Variants in ARHGAP8 observed in about 807,000 individuals in gnomAD.
The protein encoded by ARHGAP8 is rho GTPase-activating protein 8.
A neutral mutation model predicts 46.1 loss-of-function variants in ARHGAP8; 62 were observed. The observed-to-expected ratio is 1.34, with a 90% CI of 1.10 to 1.66. ARHGAP8 has a LOEUF of 1.66. Ranked by LOEUF, ARHGAP8 falls within the 40% of genes most tolerant of loss-of-function variation. The pLI, the probability that ARHGAP8 is intolerant of heterozygous loss-of-function variation, is 0.00. For synonymous variants in ARHGAP8, 375 were observed against 243.1 expected, an observed-to-expected ratio of 1.54 and a Z score of -5.05; for missense variants, 923 against 568.4, an observed-to-expected ratio of 1.62 and a Z score of -6.34.
intron 8 of ARHGAP8, among the ~76,000 whole-genome samples, chr22:44,847,584 C>T (rs1320313565): frequency 6.6e-6 from 1 of 152,238 alleles, no homozygotes; most frequent in Non-Finnish European, 1.5e-5. Context: ...GGACGTCTCC[C>T]AGGTGCCAGG....
At chr22:44,858,369 G>GTT (rs67748773) in intron 10 of ARHGAP8, among the ~76,000 whole-genome samples, 1,551 of 142,012 alleles carry the variant, frequency 0.011, 44 homozygotes, top group African/African-American at 0.039. Context: ...GTTGGTGGTG[G>GTT]TTTTTTTTTT....
chr22:44,807,217 T>C (rs548341148), intron 3 of ARHGAP8, among the ~76,000 whole-genome samples: 1 of 152,310 alleles, frequency 6.6e-6, no homozygotes, highest in South Asian at 2.1e-4. Context: ...GATCATGGCC[T>C]GACCGGCTCA....
At chr22:44,778,299 T>C (rs973049407) in intron 1 of ARHGAP8, among the ~76,000 whole-genome samples, 1 of 152,182 alleles carries the variant, frequency 6.6e-6, no homozygotes. Context: ...ATTTCTGAGT[T>C]ACTTCACTTA....
chr22:44,805,804 C>T lies in ARHGAP8; in HGVS notation c.168-2503C>T, dbSNP rs1450788039. Among the ~76,000 whole-genome samples, 5 of 152,244 alleles carry T rather than the reference C, an allele frequency of 3.3e-5. 1 individual carries two copies. The highest frequency in any genetic ancestry group is 1.3e-4 in the Admixed American group (2 of 15,292). ...AATTAACACCCCGTACATTATCCTC[C>T]CTATCCATTCCAACCGGATGGCTTT... is the stretch of plus-strand genomic sequence containing the variant. On this transcript the variant is annotated intron_variant, in intron 3 of 11. Transcript: ENST00000356099.
intron 2 of ARHGAP8, among the ~76,000 whole-genome samples, chr22:44,788,157 C>T (rs1927415166): frequency 6.6e-6 from 1 of 151,604 alleles, no homozygotes; most frequent in Non-Finnish European, 1.5e-5. Context: ...TTCATTTTGT[C>T]ACCCAGACTG....
At chr22:44,822,290 A>C in intron 5 of ARHGAP8, 81 bp from the exon 6 acceptor site, 70 of 1,076,690 alleles carry the variant, frequency 6.5e-5, no homozygotes, top group Non-Finnish European at 6.4e-5. Flanking sequence ...TTCTGCCGCC[A>C]ACTCCCCCTC....
intron 8 of ARHGAP8, among the ~76,000 whole-genome samples, chr22:44,847,674 C>G (rs1009965775): frequency 1.3e-5 from 2 of 152,132 alleles, no homozygotes; most frequent in African/African-American, 4.8e-5. Context: ...TGTAGATAAA[C>G]AAGGCAGATA....
chr22:44,761,742 CACCCGA>C (rs766515396), intron 1 of ARHGAP8, among the ~76,000 whole-genome samples: 4 of 152,192 alleles, frequency 2.6e-5, no homozygotes, highest in Non-Finnish European at 4.4e-5. Flanking sequence ...GATAAAGACA[CACCCGA>C]GACTGGGTAA....
rs1481327449 is a variant in ARHGAP8 at position 44,848,061 on chromosome 22, C to T, written c.748+11C>T. On this transcript the variant is annotated intron_variant, in intron 9 of 11. Transcript: ENST00000356099. ...GGCTCTACAACCAAGGTGAGGGTGT[C>T]CCGCAGTCCTGAGCCCCGAGCTGCC... 3 of 1,604,748 alleles carry T rather than the reference C, an allele frequency of 1.9e-6. No individual in the cohort carries two copies. In the African/African-American group the frequency reaches 4.0e-5, roughly 21 times the overall value.
At chr22:44,850,006 G>A (rs958572727) in intron 10 of ARHGAP8, 1 of 152,168 alleles carries the variant, frequency 6.6e-6, no homozygotes, top group African/African-American at 2.4e-5. Context: ...GGGTGTAGGG[G>A]TGGCCATTCC....
At chr22:44,818,125 C>T (rs531141341) in intron 5 of ARHGAP8, among the ~76,000 whole-genome samples, 31 of 150,254 alleles carry the variant, frequency 2.1e-4, no homozygotes, top group Admixed American at 1.7e-3. Flanking sequence ...CTTAAGAGTT[C>T]TAGAAACCTC....
Position 44,764,181 on chromosome 22 carries a change from A to G in ARHGAP8, c.-72+11554A>G, listed in dbSNP as rs1242245540. Reference sequence around the variant, plus strand: ...AAACAACTCCCGAAGAGTCAGAGTCAGAGAACCTGGAGGAGCGTTCTCTGG... The same window carrying G: ...AAACAACTCCCGAAGAGTCAGAGTCGGAGAACCTGGAGGAGCGTTCTCTGG... On this transcript the variant is annotated intron_variant, in intron 1 of 11. Coordinates refer to ENST00000356099, the MANE Select transcript of ARHGAP8 (RefSeq NM_181335.3). Among the ~76,000 whole-genome samples, 4 of 152,170 alleles carry G rather than the reference A, an allele frequency of 2.6e-5. 1 individual carries two copies. In the South Asian group the frequency reaches 6.2e-4, roughly 24 times the overall value.
At chr22:44,766,372 A>C (rs1602145373) in intron 1 of ARHGAP8, among the ~76,000 whole-genome samples, 1 of 152,042 alleles carries the variant, frequency 6.6e-6, no homozygotes, top group South Asian at 2.1e-4. Flanking sequence ...CCAGAACTGC[A>C]GGTGCGGAGG....
At chr22:44,856,006 G>A (rs1351442126) in intron 10 of ARHGAP8, among the ~76,000 whole-genome samples, 1 of 152,148 alleles carries the variant, frequency 6.6e-6, no homozygotes, top group African/African-American at 2.4e-5. Context: ...GTGCGAGTGG[G>A]AGCAAGATGG....
intron 10 of ARHGAP8, among the ~76,000 whole-genome samples, chr22:44,858,406 T>G (rs928163110): frequency 2.0e-5 from 3 of 151,324 alleles, no homozygotes; most frequent in Non-Finnish European, 4.4e-5. Context: ...TCACTCTTGT[T>G]GCCCAGGCTG....
intron 2 of ARHGAP8, among the ~76,000 whole-genome samples, chr22:44,790,970 C>T (rs1927636932): frequency 6.6e-6 from 1 of 151,982 alleles, no homozygotes; most frequent in African/African-American, 2.4e-5. Flanking sequence ...TGAGCTCAGG[C>T]AATCCACCCT....
At chr22:44,793,266 A>G (rs971364793) in intron 2 of ARHGAP8, among the ~76,000 whole-genome samples, 4 of 152,096 alleles carry the variant, frequency 2.6e-5, no homozygotes, top group African/African-American at 9.7e-5. Flanking sequence ...GGTGTGAAGC[A>G]GGGTGGGGGA....
chr22:44,827,926 ACT>A (rs1329376698), intron 7 of ARHGAP8, among the ~76,000 whole-genome samples: 2 of 151,986 alleles, frequency 1.3e-5, no homozygotes, highest in African/African-American at 2.4e-5. Flanking sequence ...ATCTGATGGA[ACT>A]CTCTGTCAGG....
At chr22:44,838,140 A>ATTTTTTTTTTTTTTTTTTTTTTTTT (rs61131873) in intron 7 of ARHGAP8, among the ~76,000 whole-genome samples, 2 of 143,502 alleles carry the variant, frequency 1.4e-5, no homozygotes, top group African/African-American at 5.2e-5. Flanking sequence ...TGCCTGGCTA[A>ATTTTTTTTTTTTTTTTTTTTTTTTT]TTTTTTTTTT....
Sources: allele counts gnomAD v4.1 joint callset (sites outside exome capture counted in the v4.1 genomes callset), GRCh38; gene constraint gnomAD v4.1.1; transcripts MANE v1.5; gene names NCBI Gene and HGNC (gene_info 2026-07-23, HGNC 2026-07-21).